Variants in KCND3 observed in about 807,000 individuals in gnomAD.
KCND3 encodes A-type voltage-gated potassium channel KCND3.
KCND3 carries 9 observed loss-of-function variants against 51.1 expected under a neutral mutation model. That is an observed-to-expected ratio of 0.18 (90% confidence interval 0.11 to 0.31). The LOEUF is 0.31. Among genes scored for constraint, KCND3 ranks in the 10% least tolerant of loss-of-function variants. The pLI is 1.00. For missense variants in KCND3, 526 were observed against 903.8 expected (o/e 0.58, Z 5.36); for synonymous variants, 349 against 368.0 (o/e 0.95, Z 0.59).
intron 3 of KCND3, among the ~76,000 whole-genome samples, chr1:111,783,558 G>A (rs546102491): frequency 6.6e-6 from 1 of 152,270 alleles, no homozygotes; most frequent in South Asian, 2.1e-4. Context: ...TCTGGCTGAT[G>A]GGTGCCTTTT....
In KCND3 at chr1:111,982,631, G is replaced by A. The variant is rs767230824; in HGVS notation, c.96C>T (p.Ala32=). The change falls in exon 2 of 8, where the codon GCC becomes GCT. Residue 32 remains alanine, a synonymous_variant. Transcript: ENST00000302127. This position sits in a 1 kb window ranked among gnomAD's most constrained non-coding sequence, Gnocchi z 8.5. ...GCTCATCCTGCCGCTTGTTCTTGTC[G>A]GCCGGGGCCAGGGGCATGGGGCAGT... The part of the protein sequence containing the change: ...VANCPMPLAP[A]DKNKRQDELI... 3.8e-5 allele frequency: 62 copies of A among 1,613,704 alleles called. No individual in the cohort carries two copies. Among genetic ancestry groups the A allele is most frequent in the Non-Finnish European group, 4.3e-5 (51 of 1,179,918 alleles).
At chr1:111,874,501 G>T (rs1299639602) in intron 2 of KCND3, among the ~76,000 whole-genome samples, 1 of 152,144 alleles carries the variant, frequency 6.6e-6, no homozygotes, top group East Asian at 1.9e-4. Context: ...TCTCCATCTC[G>T]GGAGAGCAGG....
intron 2 of KCND3, among the ~76,000 whole-genome samples, chr1:111,874,020 T>C (rs529148693): frequency 6.6e-6 from 1 of 152,256 alleles, no homozygotes; most frequent in South Asian, 2.1e-4. Context: ...AAATGTTAAA[T>C]CCTGTGAGGT....
At chr1:111,972,407 C>T (rs919519660) in intron 2 of KCND3, among the ~76,000 whole-genome samples, 6 of 151,984 alleles carry the variant, frequency 3.9e-5, no homozygotes, top group Admixed American at 3.3e-4. Flanking sequence ...CTCCTGACCT[C>T]GTGATCCGCC....
intron 2 of KCND3, among the ~76,000 whole-genome samples, chr1:111,894,141 C>T (rs986258183): frequency 2.6e-5 from 4 of 152,318 alleles, no homozygotes; most frequent in East Asian, 3.9e-4. Flanking sequence ...TGAACGAGGG[C>T]GCTGTGGTGT....
chr1:111,807,948 A>C (rs1045568493), intron 2 of KCND3, among the ~76,000 whole-genome samples: 1 of 152,236 alleles, frequency 6.6e-6, no homozygotes. Flanking sequence ...ACATTTTCTT[A>C]AGAAATGGGA....
At chr1:111,902,425 G>A (rs767070587) in intron 2 of KCND3, among the ~76,000 whole-genome samples, 9 of 152,326 alleles carry the variant, frequency 5.9e-5, no homozygotes, top group Non-Finnish European at 1.2e-4. Context: ...CACAGGGAGT[G>A]TGGCTAAGAG....
chr1:111,915,168 T>A (rs1671136132), intron 2 of KCND3, among the ~76,000 whole-genome samples: 1 of 152,116 alleles, frequency 6.6e-6, no homozygotes, highest in Non-Finnish European at 1.5e-5. Flanking sequence ...ATAAAAATAT[T>A]CAGTTAATAC....
chr1:111,777,033 T>G lies in KCND3; in HGVS notation c.1759A>C (p.Thr587Pro). 1.2e-6 allele frequency: 2 copies of G among 1,613,358 alleles called. No homozygotes were observed. The highest frequency in any genetic ancestry group is 2.2e-5 in the East Asian group (1 of 44,876). The change falls in exon 7 of 8, where the codon ACA (threonine) becomes CCA (proline). Residue 587 changes from threonine to proline, a missense_variant. Thr to Pro is a conservative substitution (Grantham distance 38). This residue lies in a region of KCND3 where 266 missense variants were observed against 305.5 expected (regional missense o/e 0.87). Coordinates refer to ENST00000302127, the MANE Select transcript of KCND3 (RefSeq NM_001378969.1). ...GGGATGGAAGCCACCCACCTGGTTG[T>G]GAGGGAGGGCTGCTCACTGCCCTGG... ...HIQGSEQPSL[T>P]TSRSSLNLKA...
rs188030645 is a variant in KCND3, at chr1:111,847,165, G to A, written c.1107-60059C>T. Among the ~76,000 whole-genome samples, 254 of 152,286 alleles carry A rather than the reference G, an allele frequency of 1.7e-3. 2 individuals are homozygous for A. The highest frequency in any genetic ancestry group is 5.7e-3 in the African/African-American group (237 of 41,562). On this transcript the variant is annotated intron_variant, in intron 2 of 7. Transcript: ENST00000302127. The stretch of plus-strand genomic sequence containing the variant: ...AAACTGGCCAGAGAAACCGAGAGGC[G>A]GGAAGATGCTCTCCAGCAGGCGAAG...
At chr1:111,891,628 T>A (rs1669825148) in intron 2 of KCND3, among the ~76,000 whole-genome samples, 1 of 152,206 alleles carries the variant, frequency 6.6e-6, no homozygotes, top group Non-Finnish European at 1.5e-5. Context: ...TGCTTTACCG[T>A]TCTCCATCAC....
chr1:111,783,714 A>C (rs991605670), intron 3 of KCND3, among the ~76,000 whole-genome samples: 2 of 152,218 alleles, frequency 1.3e-5, no homozygotes. Context: ...AAACCTCTAC[A>C]TGATTGTGCA....
intron 5 of KCND3, 64 bp from the exon 6 acceptor site, chr1:111,778,556 G>T: frequency 1.3e-6 from 2 of 1,501,820 alleles, no homozygotes; most frequent in Non-Finnish European, 1.9e-6. Context: ...GCATTCCCAA[G>T]CCAGTTTTGA....
intron 2 of KCND3, among the ~76,000 whole-genome samples, chr1:111,928,900 T>A (rs6667365): frequency 9.5e-4 from 145 of 152,138 alleles, no homozygotes; most frequent in Admixed American, 4.8e-3. Flanking sequence ...GGAGGAAATA[T>A]CTGCTCTGCA....
chr1:111,827,726 A>G (rs2101612406), intron 2 of KCND3, among the ~76,000 whole-genome samples: 1 of 152,290 alleles, frequency 6.6e-6, no homozygotes, highest in South Asian at 2.1e-4. Context: ...GTGCAATTCC[A>G]AAGTCTGTAT....
chr1:111,961,669 C>T (rs1673667576), intron 2 of KCND3, among the ~76,000 whole-genome samples: 1 of 152,108 alleles, frequency 6.6e-6, no homozygotes, highest in Non-Finnish European at 1.5e-5. Flanking sequence ...AGGACACTGA[C>T]CTAGGGAACT....
rs200894990 is a variant in KCND3, at chr1:111,981,857, C to T, written c.870G>A (p.Arg290=). 3.1e-6 allele frequency: 5 copies of T among 1,613,902 alleles called. No individual in the cohort carries two copies. The highest frequency in any genetic ancestry group is 4.2e-6 in the Non-Finnish European group (5 of 1,180,010). ...TGAAGATCCTGAAGACGCGGAAGAC[C>T]CGGAGCGTGACGAAGGCGCCGGACA... The part of the protein sequence containing the change: ...EDVSGAFVTL[R]VFRVFRIFKF... The change falls in exon 2 of 8, where the codon CGG becomes CGA. Residue 290 remains arginine (R), a synonymous_variant. Transcript: ENST00000302127. The surrounding 1 kb of genome is among the most constrained non-coding windows in gnomAD (Gnocchi z 6.2).
At chr1:111,799,669 T>C (rs11102335) in intron 2 of KCND3, among the ~76,000 whole-genome samples, 2,472 of 152,338 alleles carry the variant, frequency 0.016, 66 homozygotes, top group African/African-American at 0.057. Flanking sequence ...AGGTGATCAC[T>C]GTAGCCCATC....
chr1:111,947,867 C>T (rs1244565720), intron 2 of KCND3, among the ~76,000 whole-genome samples: 1 of 152,184 alleles, frequency 6.6e-6, no homozygotes, highest in African/African-American at 2.4e-5. Flanking sequence ...TGTTTATTTG[C>T]TTGTATTACT....
Sources: gnomAD v4.1 joint callset for allele counts (sites outside exome capture counted in the v4.1 genomes callset) on GRCh38, gnomAD v4.1.1 for gene constraint, gnomAD v4.1.1 regional missense constraint, Gnocchi (gnomAD v3.1) non-coding constraint, MANE v1.5 for transcripts, NCBI Gene and HGNC (gene_info 2026-07-23, HGNC 2026-07-21) for gene names.